Variants in UBE2N observed in about 807,000 individuals in gnomAD.
UBE2N encodes the protein ubiquitin-conjugating enzyme E2 N.
For synonymous variants in UBE2N, 70 were observed against 69.2 expected, an observed-to-expected ratio of 1.01 and a Z score of -0.06; for missense variants, 60 against 192.1, an observed-to-expected ratio of 0.31 and a Z score of 4.07.
At position 93,417,279 on chromosome 12, in the gene UBE2N, C is replaced by A. The variant is rs532761039; in HGVS notation, c.31-5980G>T. Among the ~76,000 whole-genome samples the A allele has an allele frequency of 2.0e-5, 3 of 152,246 alleles. No individual in the cohort carries two copies. The South Asian group carries it at 6.2e-4, about 32-fold the overall frequency. ...GATCTACTGGGTCTTGAAGAGCAAA[C>A]CCTAGACTCACACTACTGTAAACTA... On this transcript the variant is annotated intron_variant, in intron 1 of 3. Transcript: ENST00000318066.
intron 1 of UBE2N, among the ~76,000 whole-genome samples, chr12:93,422,916 T>C (rs1374553719): frequency 6.6e-6 from 1 of 152,206 alleles, no homozygotes; most frequent in Non-Finnish European, 1.5e-5. Context: ...ATTGTAAAAA[T>C]TTTAAGTAAC....
rs1160458229 is a variant in UBE2N at position 93,413,913 on chromosome 12, G to A, written c.31-2614C>T. Among the ~76,000 whole-genome samples the A allele has an allele frequency of 5.9e-5, 9 of 152,346 alleles. 1 individual carries two copies. Among genetic ancestry groups the A allele is most frequent in the African/African-American group, 1.9e-4 (8 of 41,580 alleles). Reference sequence around the variant, plus strand: ...GCGGTGGCTCACGCCTGTAATCCCAGCACTTTGGGAGGCCGAGGCGGGTGG... The same window carrying A: ...GCGGTGGCTCACGCCTGTAATCCCAACACTTTGGGAGGCCGAGGCGGGTGG... On this transcript the variant is annotated intron_variant, in intron 1 of 3. Coordinates refer to ENST00000318066, the MANE Select transcript of UBE2N (RefSeq NM_003348.4).
intron 1 of UBE2N, among the ~76,000 whole-genome samples, chr12:93,427,826 A>G (rs1878641605): frequency 6.6e-6 from 1 of 152,222 alleles, no homozygotes; most frequent in South Asian, 2.1e-4. Flanking sequence ...TTACCGATGA[A>G]TTAGAGATTG....
At chr12:93,416,385 A>C (rs1878208506) in intron 1 of UBE2N, among the ~76,000 whole-genome samples, 1 of 152,160 alleles carries the variant, frequency 6.6e-6, no homozygotes, top group South Asian at 2.1e-4. Flanking sequence ...GGAAAGACAG[A>C]GTACAGTATG....
At position 93,411,233 on chromosome 12, in the gene UBE2N, G is replaced by A. The variant is rs779099246; in HGVS notation, c.97C>T (p.Arg33Cys). The A allele has an allele frequency of 3.1e-6, 5 of 1,614,018 alleles. No homozygotes were observed. Among genetic ancestry groups the A allele is most frequent in the Non-Finnish European group, 4.2e-6 (5 of 1,180,012 alleles). Residue 33 changes from arginine (R) to cysteine (C), a missense_variant, in exon 2 of 4, where the codon CGT becomes TGT. Coordinates refer to ENST00000318066, the MANE Select transcript of UBE2N (RefSeq NM_003348.4). Reference protein sequence around the residue: ...IKAEPDESNARYFHVVIAGPQ... With the variant: ...IKAEPDESNACYFHVVIAGPQ... ...CCAGCAATGACCACATGAAAATAACGGGCGTTGCTCTCATCTGGTTCGGCT... is the reference window on the plus strand; with the variant it reads ...CCAGCAATGACCACATGAAAATAACAGGCGTTGCTCTCATCTGGTTCGGCT...
intron 1 of UBE2N, among the ~76,000 whole-genome samples, chr12:93,424,543 G>C (rs115237533): frequency 1.5e-3 from 231 of 152,316 alleles, no homozygotes; most frequent in African/African-American, 5.3e-3. Context: ...CTAACTCTGA[G>C]ATAAATTAGG....
chr12:93,435,481 G>GA (rs760702678), intron 1 of UBE2N, among the ~76,000 whole-genome samples: 255 of 147,766 alleles, frequency 1.7e-3, no homozygotes, highest in Non-Finnish European at 2.9e-3. Context: ...CTCAAAATAA[G>GA]AAAAAAAAAA....
chr12:93,435,523 G>A (rs1209593681), intron 1 of UBE2N, among the ~76,000 whole-genome samples: 3 of 152,138 alleles, frequency 2.0e-5, no homozygotes, highest in African/African-American at 7.2e-5. Flanking sequence ...CTACTCCAGT[G>A]GCTGAGGCAG....
Position 93,441,860 on chromosome 12 carries a change from T to G in UBE2N, c.25A>C (p.Ile9Leu). The change falls in exon 1 of 4, where the codon ATC becomes CTC. Residue 9 changes from isoleucine to leucine, a missense_variant. Physicochemically the swap from Ile to Leu is conservative, Grantham distance 5 (BLOSUM62 2). Transcript: ENST00000318066. ...AGGCCGGCCTGGGCGGTTACCTTGATGATCCTGCGGGGCAGCCCGGCCATC... is the reference window on the plus strand; with the variant it reads ...AGGCCGGCCTGGGCGGTTACCTTGAGGATCCTGCGGGGCAGCCCGGCCATC... MAGLPRRI[I>L]KETQRLLAEP... 6.3e-7 allele frequency: 1 copy of G among 1,579,358 alleles called. No homozygotes were observed. The highest frequency in any genetic ancestry group is 1.1e-5 in the South Asian group (1 of 87,610).
chr12:93,433,996 G>T (rs918605452), intron 1 of UBE2N, among the ~76,000 whole-genome samples: 1 of 152,218 alleles, frequency 6.6e-6, no homozygotes, highest in African/African-American at 2.4e-5. Context: ...GGATAGAACA[G>T]ATGTTCTCTA....
chr12:93,418,941 G>A (rs1390508054), intron 1 of UBE2N, among the ~76,000 whole-genome samples: 1 of 152,150 alleles, frequency 6.6e-6, no homozygotes, highest in Non-Finnish European at 1.5e-5. Context: ...CACATGGAAT[G>A]ATTAGTGGCT....
At chr12:93,417,455 G>C (rs184951732) in intron 1 of UBE2N, among the ~76,000 whole-genome samples, 1 of 152,214 alleles carries the variant, frequency 6.6e-6, no homozygotes, top group Non-Finnish European at 1.5e-5. Flanking sequence ...ATTGGAGTAT[G>C]TACAGTAAAA....
At chr12:93,431,432 A>G (rs1354717832) in intron 1 of UBE2N, among the ~76,000 whole-genome samples, 1 of 152,212 alleles carries the variant, frequency 6.6e-6, no homozygotes, top group Non-Finnish European at 1.5e-5. Context: ...CTGGGTTCAA[A>G]TCATAGCTCT....
intron 1 of UBE2N, among the ~76,000 whole-genome samples, chr12:93,431,709 CTT>C (rs945362539): frequency 4.6e-5 from 7 of 152,302 alleles, no homozygotes; most frequent in East Asian, 1.9e-4. Context: ...ATTAGAAACA[CTT>C]TGTTTGCCTA....
chr12:93,440,367 T>C (rs1226383715), intron 1 of UBE2N, among the ~76,000 whole-genome samples: 1 of 152,150 alleles, frequency 6.6e-6, no homozygotes, highest in Non-Finnish European at 1.5e-5. Flanking sequence ...ACACAACAAA[T>C]TTCGGACTAT....
At chr12:93,428,993 C>T (rs1878670878) in intron 1 of UBE2N, among the ~76,000 whole-genome samples, 1 of 152,082 alleles carries the variant, frequency 6.6e-6, no homozygotes, top group Admixed American at 6.6e-5. Context: ...AAGTGTAGGC[C>T]AGGCGCGGTG....
chr12:93,406,499 T>G lies in UBE2N; in HGVS notation c.*3540A>C, dbSNP rs1158277996. ...TTAATCTTATTTTTAAGTGCTTCTTTGAAATTGTTTTACAAGTACATTCTT... is the reference window on the plus strand; with the variant it reads ...TTAATCTTATTTTTAAGTGCTTCTTGGAAATTGTTTTACAAGTACATTCTT... On this transcript the variant is annotated 3_prime_UTR_variant, in exon 4 of 4. Transcript: ENST00000318066. 1 of 152,182 alleles carries G rather than the reference T, an allele frequency of 6.6e-6. No homozygotes were observed. Among genetic ancestry groups the G allele is most frequent in the African/African-American group, 2.4e-5 (1 of 41,432 alleles). The allele number at this position is 152,182 out of a possible 1,614,324, so 9.4% of individuals were successfully genotyped here.
At chr12:93,438,667 T>C (rs148733916) in intron 1 of UBE2N, among the ~76,000 whole-genome samples, 1 of 152,150 alleles carries the variant, frequency 6.6e-6, no homozygotes, top group African/African-American at 2.4e-5. Flanking sequence ...TTTAAGAAGA[T>C]AACACTAGCT....
At chr12:93,418,286 C>T (rs575779946) in intron 1 of UBE2N, among the ~76,000 whole-genome samples, 1 of 152,094 alleles carries the variant, frequency 6.6e-6, no homozygotes, top group Non-Finnish European at 1.5e-5. Context: ...ACTGCCTGAG[C>T]CCAGGAGTTC....
Sources: gnomAD v4.1 joint callset for allele counts (sites outside exome capture counted in the v4.1 genomes callset) on GRCh38, gnomAD v4.1.1 for gene constraint, MANE v1.5 for transcripts, NCBI Gene and HGNC (gene_info 2026-07-23, HGNC 2026-07-21) for gene names.